ELAC1: variants seen among roughly 807,000 people sequenced by gnomAD.
ELAC1 encodes elaC ribonuclease Z 1.
In ELAC1, 19 loss-of-function variants were observed where a neutral mutation model predicts 25.8. The observed-to-expected ratio is 0.74, with a 90% confidence interval of 0.51 to 1.08. The LOEUF (loss-of-function observed/expected upper bound fraction) is 1.08, where lower values mean the gene tolerates loss of function less well. ELAC1 is among the 50% of genes least tolerant of loss of function. The pLI, the probability that ELAC1 is intolerant of heterozygous loss-of-function variation, is 0.00. For missense variants in ELAC1, 403 were observed against 434.6 expected (o/e 0.93, Z 0.65); for synonymous variants, 148 against 160.9 (o/e 0.92, Z 0.61).
chr18:50,977,703 G>C (rs1907831095), intron 2 of ELAC1, among the ~76,000 whole-genome samples: 1 of 152,184 alleles, frequency 6.6e-6, no homozygotes, highest in African/African-American at 2.4e-5. Flanking sequence ...CAGCTAGCTT[G>C]AATTTCTGCT....
At chr18:50,969,726 G>A (rs1338147303) in intron 1 of ELAC1, 1 of 152,242 alleles carries the variant, frequency 6.6e-6, no homozygotes, top group African/African-American at 2.4e-5. Flanking sequence ...AGTAATGGGG[G>A]TGGTGTGTAT....
chr18:50,983,691 TAA>T (rs35648801), intron 2 of ELAC1, among the ~76,000 whole-genome samples: 106 of 128,804 alleles, frequency 8.2e-4, no homozygotes, highest in Middle Eastern at 3.8e-3. Flanking sequence ...TCTACAAAAT[TAA>T]AAAAAAAAAA....
chr18:50,978,258 C>G (rs950828549), intron 2 of ELAC1, among the ~76,000 whole-genome samples: 19 of 152,108 alleles, frequency 1.2e-4, no homozygotes, highest in African/African-American at 4.6e-4. Context: ...TAGCATTATC[C>G]CACTCTACCA....
At chr18:50,969,795 G>GC (rs746502039) in intron 1 of ELAC1, 4 of 152,178 alleles carry the variant, frequency 2.6e-5, no homozygotes, top group Non-Finnish European at 5.9e-5. Flanking sequence ...TGGGTGTATG[G>GC]CATTGCATTA....
chr18:50,981,108 C>T (rs1359346443), intron 2 of ELAC1, among the ~76,000 whole-genome samples: 1 of 124,862 alleles, frequency 8.0e-6, no homozygotes, highest in Non-Finnish European at 1.5e-5. Context: ...CACCCTCCTA[C>T]TCTTCCAAGT....
At chr18:50,968,942 C>T (rs941296453) in intron 1 of ELAC1, 2 of 152,198 alleles carry the variant, frequency 1.3e-5, no homozygotes, top group African/African-American at 4.8e-5. Context: ...ACTCCCAATT[C>T]ATGATCAATT....
Position 50,987,046 on chromosome 18 carries a change from A to G in ELAC1, c.1053A>G (p.Ala351=). 2 of 1,582,054 alleles carry G rather than the reference A, an allele frequency of 1.3e-6. No individual in the cohort carries two copies. The highest frequency in any genetic ancestry group is 1.7e-6 in the Non-Finnish European group (2 of 1,165,416). The change falls in exon 4 of 4, where the codon GCA becomes GCG. Residue 351 remains alanine, a synonymous_variant. Coordinates refer to ENST00000269466, the MANE Select transcript of ELAC1 (RefSeq NM_018696.3). ...TAGATCTCCAAGAAGTGACTCTAGC[A>G]GAAGATTTTATGGTGATAAGCATTC... The part of the protein sequence containing the change: ...SVLDLQEVTL[A]EDFMVISIPI...
intron 2 of ELAC1, among the ~76,000 whole-genome samples, chr18:50,977,520 C>T (rs1907824357): frequency 6.6e-6 from 1 of 152,242 alleles, no homozygotes; most frequent in African/African-American, 2.4e-5. Flanking sequence ...AGTCCCAAGA[C>T]TGCACGAAGC....
chr18:50,983,018 T>C (rs1334625545), intron 2 of ELAC1, among the ~76,000 whole-genome samples: 1 of 152,132 alleles, frequency 6.6e-6, no homozygotes, highest in East Asian at 1.9e-4. Context: ...AACATTTTGT[T>C]TTCCTGGAAT....
intron 1 of ELAC1, among the ~76,000 whole-genome samples, chr18:50,972,447 A>T (rs1268727779): frequency 1.3e-5 from 2 of 151,710 alleles, no homozygotes; most frequent in African/African-American, 4.8e-5. Flanking sequence ...TTTTACCTCT[A>T]TTTTTGTGCC....
In ELAC1 at chr18:50,986,931, A is replaced by T. The variant is rs1462954193; in HGVS notation, c.938A>T (p.His313Leu). ...LCRAKRLVLT[H>L]FSQRYKPVAL... Reference sequence around the variant, plus strand: ...CGTGCAAAGAGGCTGGTTCTGACTCACTTCAGTCAGAGGTACAAACCAGTT... The same window carrying T: ...CGTGCAAAGAGGCTGGTTCTGACTCTCTTCAGTCAGAGGTACAAACCAGTT... The change falls in exon 4 of 4, where the codon CAC (histidine) becomes CTC (leucine). Residue 313 changes from histidine to leucine, a missense_variant. Transcript: ENST00000269466. The T allele has an allele frequency of 3.1e-6, 5 of 1,613,918 alleles. No individual in the cohort carries two copies. The African/African-American group carries it at 6.7e-5, about 22-fold the overall frequency.
At chr18:50,984,748 A>G in intron 3 of ELAC1, 185 bp downstream of exon 3, 2 of 599,928 alleles carry the variant, frequency 3.3e-6, no homozygotes, top group Non-Finnish European at 5.9e-6. Flanking sequence ...CCTGGGCAAC[A>G]TGGCGAAACC....
intron 2 of ELAC1, 69 bp downstream of exon 2, chr18:50,974,630 G>A (rs1419456744): frequency 2.0e-6 from 3 of 1,494,622 alleles, no homozygotes; most frequent in South Asian, 1.2e-5. Context: ...GGCTCTCCTT[G>A]GACATTTTGT....
At chr18:50,981,927 A>G (rs1361238852) in intron 2 of ELAC1, among the ~76,000 whole-genome samples, 1 of 147,970 alleles carries the variant, frequency 6.8e-6, no homozygotes, top group Non-Finnish European at 1.5e-5. Context: ...GCTCACCACA[A>G]CCTCCACCTC....
chr18:50,973,921 T>C (rs1329347992), intron 1 of ELAC1, among the ~76,000 whole-genome samples: 3 of 152,266 alleles, frequency 2.0e-5, no homozygotes, highest in African/African-American at 7.2e-5. Context: ...AAGTTTACAT[T>C]AGAGCTCATT....
chr18:50,978,407 G>A (rs1474344668), intron 2 of ELAC1, among the ~76,000 whole-genome samples: 2 of 152,210 alleles, frequency 1.3e-5, no homozygotes, highest in East Asian at 1.9e-4. Flanking sequence ...AATCATGGTG[G>A]AAGGCAAAGG....
chr18:50,980,238 A>T (rs1907908485), intron 2 of ELAC1, among the ~76,000 whole-genome samples: 1 of 151,972 alleles, frequency 6.6e-6, no homozygotes, highest in Non-Finnish European at 1.5e-5. Flanking sequence ...TGAGCCCAGG[A>T]GGTCAAAGCT....
Position 50,984,340 on chromosome 18 carries a change from A to T in ELAC1, c.402A>T (p.Glu134Asp). 2 of 1,614,256 alleles carry T rather than the reference A, an allele frequency of 1.2e-6. No homozygotes were observed. Among genetic ancestry groups the T allele is most frequent in the Non-Finnish European group, 1.7e-6 (2 of 1,180,038 alleles). The change falls in exon 3 of 4, where the codon GAA becomes GAT. Residue 134 changes from glutamate to aspartate, a missense_variant. Glu to Asp is a conservative substitution (Grantham distance 45). Transcript: ENST00000269466. ...VPTADQCPAE[E>D]LKEFAHVNRA... The stretch of plus-strand genomic sequence containing the variant: ...CAGCAGATCAATGTCCTGCAGAAGA[A>T]CTAAAAGAATTTGCGCATGTGAATA...
chr18:50,984,004 A>T, intron 2 of ELAC1, 92 bp from the exon 3 acceptor site: 2 of 719,672 alleles, frequency 2.8e-6, no homozygotes, highest in Non-Finnish European at 4.4e-6. Flanking sequence ...TACTATTTTT[A>T]ATGTAAATTG....
Sources: gnomAD v4.1 joint callset for allele counts (sites outside exome capture counted in the v4.1 genomes callset) on GRCh38, gnomAD v4.1.1 for gene constraint, MANE v1.5 for transcripts, NCBI Gene and HGNC (gene_info 2026-07-23, HGNC 2026-07-21) for gene names.